STX2: variants seen among roughly 807,000 people sequenced by gnomAD.
STX2 encodes syntaxin 2, also known as syntaxin-2.
In STX2, 27 loss-of-function variants were observed where a neutral mutation model predicts 40.6. The observed-to-expected ratio is 0.66, with a 90% CI of 0.49 to 0.92. STX2 has a LOEUF of 0.92. Among genes scored for constraint, STX2 ranks in the 40% least tolerant of loss-of-function variants. STX2 has a pLI of 0.00. For synonymous variants in STX2, 123 were observed against 119.1 expected (o/e 1.03, Z -0.22); for missense variants, 328 against 366.1 (o/e 0.90, Z 0.85).
In STX2 at chr12:130,790,198, G is replaced by A. The variant is rs2136995380; in HGVS notation, c.*1825C>T. On this transcript the variant is annotated 3_prime_UTR_variant, in exon 11 of 11. Coordinates refer to ENST00000392373, the MANE Select transcript of STX2 (RefSeq NM_194356.4). ...AACAGTCAGAGGCAGAATTCCCCTAGTAACTGCCACACAGTGACCACCAGC... is the reference window on the plus strand; with the variant it reads ...AACAGTCAGAGGCAGAATTCCCCTAATAACTGCCACACAGTGACCACCAGC... 6.6e-6 allele frequency: 1 copy of A among 152,372 alleles called. No individual in the cohort carries two copies. The highest frequency in any genetic ancestry group is 1.9e-4 in the East Asian group (1 of 5,190). 9.4% of individuals were successfully genotyped at this position (152,372 alleles called of 1,614,324 possible).
intron 6 of STX2, among the ~76,000 whole-genome samples, chr12:130,805,002 C>A (rs977508542): frequency 6.6e-6 from 1 of 152,106 alleles, no homozygotes; most frequent in Non-Finnish European, 1.5e-5. Context: ...AGAGATGGTG[C>A]GGGGCCTTCA....
intron 1 of STX2, among the ~76,000 whole-genome samples, chr12:130,830,597 A>C (rs1340860452): frequency 6.6e-6 from 1 of 152,224 alleles, no homozygotes. Flanking sequence ...GCCTTGACTT[A>C]TATGTCTTAT....
intron 6 of STX2, among the ~76,000 whole-genome samples, chr12:130,803,484 C>T (rs1951303263): frequency 6.6e-6 from 1 of 151,778 alleles, no homozygotes; most frequent in African/African-American, 2.4e-5. Context: ...GCTTGGGCAA[C>T]ATAGTGAAAA....
rs866660635 is a variant in STX2, at chr12:130,827,128, G to A, written c.105+65C>T. The A allele has an allele frequency of 1.5e-5, 10 of 665,742 alleles. 2 individuals are homozygous for A. Among genetic ancestry groups the A allele is most frequent in the South Asian group, 1.5e-4 (10 of 68,700 alleles). 41.2% of individuals were successfully genotyped at this position (665,742 alleles called of 1,614,324 possible). A position where few individuals can be genotyped will look rare whatever the true frequency, so the allele number is the denominator to read the frequency against. On this transcript the variant is annotated intron_variant, in intron 2 of 10. Transcript: ENST00000392373. ...GGAGAGGGAGGGAAGAAAGGAGGGA[G>A]GGGTGGGGGGAGGGAGGGAGGACAG...
intron 1 of STX2, among the ~76,000 whole-genome samples, chr12:130,835,625 T>C (rs1609985): frequency 0.5 from 75,804 of 152,032 alleles, 20,778 homozygotes; most frequent in East Asian, 0.87. Context: ...CGGTCACTCT[T>C]CCTTCCCAGG....
intron 3 of STX2, among the ~76,000 whole-genome samples, chr12:130,816,559 C>T (rs1376868685): frequency 6.6e-6 from 1 of 152,196 alleles, no homozygotes; most frequent in Non-Finnish European, 1.5e-5. Flanking sequence ...CCTCCTCTTC[C>T]AGCGGCCTAG....
At chr12:130,835,672 T>G (rs1565942697) in intron 1 of STX2, among the ~76,000 whole-genome samples, 1 of 152,180 alleles carries the variant, frequency 6.6e-6, no homozygotes, top group African/African-American at 2.4e-5. Flanking sequence ...TTCACTGCTG[T>G]GTCTCTCTGC....
chr12:130,832,092 C>T (rs1166949674), intron 1 of STX2, among the ~76,000 whole-genome samples: 1 of 152,088 alleles, frequency 6.6e-6, no homozygotes, highest in Admixed American at 6.6e-5. Context: ...ACCAATCCTC[C>T]CACCTTGGTC....
chr12:130,832,427 G>T lies in STX2; in HGVS notation c.31-5160C>A, dbSNP rs374526723. Among the ~76,000 whole-genome samples the T allele has an allele frequency of 6.6e-4, 100 of 151,998 alleles. 2 individuals are homozygous for T. In the South Asian group the frequency reaches 0.02, roughly 30 times the overall value. ...GGTTTTCTGGAACATACACACACAT[G>T]CAGAGAGAGGACCACCGAGCCATGG... On this transcript the variant is annotated intron_variant, in intron 1 of 10. Coordinates refer to ENST00000392373, the MANE Select transcript of STX2 (RefSeq NM_194356.4).
chr12:130,833,094 G>C (rs1356522704), intron 1 of STX2, among the ~76,000 whole-genome samples: 6 of 152,224 alleles, frequency 3.9e-5, no homozygotes, highest in Non-Finnish European at 8.8e-5. Flanking sequence ...TCACAACCCA[G>C]GCATTCTGCC....
intron 2 of STX2, among the ~76,000 whole-genome samples, chr12:130,825,304 T>C (rs1305694832): frequency 6.6e-6 from 1 of 152,208 alleles, no homozygotes; most frequent in Non-Finnish European, 1.5e-5. Flanking sequence ...CCCAAAGTGC[T>C]GGGAGCACAG....
intron 1 of STX2, among the ~76,000 whole-genome samples, chr12:130,838,670 C>T (rs1306946903): frequency 6.6e-6 from 1 of 152,186 alleles, no homozygotes; most frequent in Non-Finnish European, 1.5e-5. Context: ...GTGGGGCGGA[C>T]CACAGTTAGG....
intron 6 of STX2, among the ~76,000 whole-genome samples, chr12:130,804,883 G>C (rs1951370599): frequency 6.6e-6 from 1 of 151,590 alleles, no homozygotes; most frequent in South Asian, 2.1e-4. Flanking sequence ...AACTGGAAAT[G>C]AATTCTGTGG....
chr12:130,804,713 A>G (rs1285032723), intron 6 of STX2, among the ~76,000 whole-genome samples: 1 of 152,088 alleles, frequency 6.6e-6, no homozygotes, highest in Non-Finnish European at 1.5e-5. Context: ...GAGTTTGCAT[A>G]GACCTGCTCA....
rs1356198954 is a variant in STX2 at position 130,819,828 on chromosome 12, C to T, written c.205+1861G>A. On this transcript the variant is annotated intron_variant, in intron 3 of 10. Coordinates refer to ENST00000392373, the MANE Select transcript of STX2 (RefSeq NM_194356.4). The stretch of plus-strand genomic sequence containing the variant: ...CTGCAACTTCCCAAGAGGGGCTGGG[C>T]GACGGCACGAAGAGGTCCCCGGAAA... 2.6e-5 allele frequency among the ~76,000 whole-genome samples: 4 copies of T among 151,972 alleles called. No individual in the cohort carries two copies. In the East Asian group the frequency reaches 5.8e-4, roughly 22 times the overall value.
At position 130,807,070 on chromosome 12, in the gene STX2, C is replaced by T. The variant is rs560590567; in HGVS notation, c.375G>A (p.Lys125=). 5 of 1,614,238 alleles carry T rather than the reference C, an allele frequency of 3.1e-6. No individual in the cohort carries two copies. In the East Asian group the frequency reaches 8.9e-5, roughly 29 times the overall value. The change falls in exon 6 of 11, where the codon AAG becomes AAA. Residue 125 remains lysine, a synonymous_variant. Transcript: ENST00000392373. ...RRTQHSVLSR[K]FVEAMAEYNE... ...TGTACTCCGCCATGGCTTCCACAAA[C>T]TTCCGAGACAGCACCGAATGCTAAC...
At chr12:130,836,852 T>G (rs12366616) in intron 1 of STX2, among the ~76,000 whole-genome samples, 15,925 of 152,198 alleles carry the variant, frequency 0.1, 1,137 homozygotes, top group Non-Finnish European at 0.14. Context: ...ACTGCTCAGC[T>G]GCTGTGTCTA....
intron 6 of STX2, among the ~76,000 whole-genome samples, chr12:130,803,674 AAAAAAAAAAAAAAAAC>A (rs1006032037): frequency 9.7e-6 from 1 of 103,498 alleles, no homozygotes; most frequent in South Asian, 3.5e-4. Flanking sequence ...CTCAAAAAAA[AAAAAAAAAAAAAAAAC>A]AAACTAAAAG....
chr12:130,819,884 CG>C (rs1952047759), intron 3 of STX2, among the ~76,000 whole-genome samples: 1 of 152,132 alleles, frequency 6.6e-6, no homozygotes, highest in African/African-American at 2.4e-5. Context: ...CCTGGCTGCA[CG>C]GACTAGCTCA....
Sources: gnomAD v4.1 joint callset for allele counts (sites outside exome capture counted in the v4.1 genomes callset) on GRCh38, gnomAD v4.1.1 for gene constraint, MANE v1.5 for transcripts, NCBI Gene and HGNC (gene_info 2026-07-23, HGNC 2026-07-21) for gene names.